Variants in LAMC1 observed in about 807,000 individuals in gnomAD.
LAMC1 encodes the protein laminin subunit gamma-1.
LAMC1 carries 38 observed loss-of-function variants against 173.6 expected under a neutral mutation model. That is an observed-to-expected ratio of 0.22 (90% CI 0.17 to 0.29). LAMC1 has a LOEUF of 0.29. Ranked by LOEUF, LAMC1 falls within the 10% of genes least tolerant of loss-of-function variation. The probability of loss-of-function intolerance (pLI) is 1.00; values close to 1 mark genes in which losing one functional copy is unlikely to be tolerated. For missense variants in LAMC1, 1,824 were observed against 2,051.8 expected, an observed-to-expected ratio of 0.89 and a Z score of 2.14; for synonymous variants, 746 against 749.1, an observed-to-expected ratio of 1.00 and a Z score of 0.07.
At position 183,023,715 on chromosome 1, in the gene LAMC1, G is replaced by T; in HGVS notation, c.-2G>T. On this transcript the variant is annotated 5_prime_UTR_variant, in exon 1 of 28. Coordinates refer to ENST00000258341, the MANE Select transcript of LAMC1 (RefSeq NM_002293.4). Reference sequence around the variant, plus strand: ...GCCGTGACCCAGCGTGCGGGCGGCGGGATGAGAGGGAGCCATCGGGCCGCG... The same window carrying T: ...GCCGTGACCCAGCGTGCGGGCGGCGTGATGAGAGGGAGCCATCGGGCCGCG... 6 of 1,180,504 alleles carry T rather than the reference G, an allele frequency of 5.1e-6. No homozygotes were observed. Among genetic ancestry groups the T allele is most frequent in the Non-Finnish European group, 5.3e-6 (5 of 949,222 alleles). 73.1% of individuals were successfully genotyped at this position (1,180,504 alleles called of 1,614,324 possible). A position where few individuals can be genotyped will look rare whatever the true frequency, so the allele number is the denominator to read the frequency against.
intron 2 of LAMC1, among the ~76,000 whole-genome samples, chr1:183,105,301 A>T (rs1396719284): frequency 1.3e-5 from 2 of 151,772 alleles, no homozygotes; most frequent in Admixed American, 6.6e-5. Flanking sequence ...TGGAGAGGTG[A>T]CCTACAAATA....
At chr1:183,043,340 A>G (rs1191950481) in intron 1 of LAMC1, among the ~76,000 whole-genome samples, 1 of 152,226 alleles carries the variant, frequency 6.6e-6, no homozygotes, top group African/African-American at 2.4e-5. Flanking sequence ...GTTGTCACAC[A>G]TTATGAAAAT....
chr1:183,033,436 G>A (rs1185959806), intron 1 of LAMC1, among the ~76,000 whole-genome samples: 3 of 152,208 alleles, frequency 2.0e-5, no homozygotes, highest in African/African-American at 7.2e-5. Context: ...AAAATGGTAA[G>A]TCTGTGGGTT....
At chr1:183,068,188 T>C (rs921376963) in intron 1 of LAMC1, among the ~76,000 whole-genome samples, 2 of 152,226 alleles carry the variant, frequency 1.3e-5, no homozygotes, top group Admixed American at 6.5e-5. Context: ...TACAATCTTA[T>C]TGCCTGAGAT....
intron 1 of LAMC1, among the ~76,000 whole-genome samples, chr1:183,082,151 G>A (rs556503405): frequency 6.6e-6 from 1 of 152,260 alleles, no homozygotes; most frequent in Non-Finnish European, 1.5e-5. Flanking sequence ...GGACATACTG[G>A]TTGCTTCCAA....
chr1:183,122,247 C>A lies in LAMC1; in HGVS notation c.2397C>A (p.Thr799=). 6.2e-7 allele frequency: 1 copy of A among 1,613,952 alleles called. No homozygotes were observed. The highest frequency in any genetic ancestry group is 1.1e-5 in the South Asian group (1 of 91,052). The stretch of plus-strand genomic sequence containing the variant: ...TGTGCACCAACTGTCCTACTGGCAC[C>A]ACTGGTAAGTCTGCTCGCTTCATCT... ...EVVCTNCPTG[T]TGKRCELCDD... is the part of the protein sequence containing the mutation. The change falls in exon 13 of 28, where the codon ACC becomes ACA. Residue 799 remains threonine, a synonymous_variant. Coordinates refer to ENST00000258341, the MANE Select transcript of LAMC1 (RefSeq NM_002293.4).
intron 1 of LAMC1, among the ~76,000 whole-genome samples, chr1:183,043,032 C>G (rs1279268923): frequency 6.6e-6 from 1 of 152,184 alleles, no homozygotes; most frequent in African/African-American, 2.4e-5. Flanking sequence ...TAAATCAGTG[C>G]TTTTTGTGGC....
intron 1 of LAMC1, among the ~76,000 whole-genome samples, chr1:183,067,867 C>G (rs752304261): frequency 1.2e-4 from 18 of 152,142 alleles, no homozygotes; most frequent in Non-Finnish European, 2.5e-4. Context: ...TTGGGAGTAT[C>G]ATGATAGCAG....
Position 183,142,806 on chromosome 1 carries a change from A to G in LAMC1, c.*16A>G. The G allele has an allele frequency of 6.3e-7, 1 of 1,591,124 alleles. No individual in the cohort carries two copies. The highest frequency in any genetic ancestry group is 1.2e-5 in the South Asian group (1 of 86,256). ...AAAGCCCTAGTGTCTTTAGGGCTGG[A>G]AGGCAGCATCCCTCTGACAGGGGGG... is the stretch of plus-strand genomic sequence containing the variant. On this transcript the variant is annotated 3_prime_UTR_variant, in exon 28 of 28. Coordinates refer to ENST00000258341, the MANE Select transcript of LAMC1 (RefSeq NM_002293.4).
At chr1:183,028,039 G>T (rs982320360) in intron 1 of LAMC1, among the ~76,000 whole-genome samples, 3 of 152,122 alleles carry the variant, frequency 2.0e-5, no homozygotes, top group Admixed American at 2.0e-4. Context: ...GTTGCTGTTG[G>T]CTGCTTTCCT....
At position 183,121,972 on chromosome 1, in the gene LAMC1, C is replaced by A. The variant is rs760327677; in HGVS notation, c.2212+28C>A. On this transcript the variant is annotated intron_variant, in intron 12 of 27. Transcript: ENST00000258341. ...GAGATGATCTTTGGCAGCTCTTAGA[C>A]CTAACTTCTCTTTAGCAATTGTGTA... 16 of 1,610,286 alleles carry A rather than the reference C, an allele frequency of 9.9e-6. No homozygotes were observed. In the East Asian group the frequency reaches 3.6e-4, roughly 36 times the overall value.
chr1:183,060,512 C>T (rs1372172877), intron 1 of LAMC1, among the ~76,000 whole-genome samples: 1 of 152,192 alleles, frequency 6.6e-6, no homozygotes, highest in African/African-American at 2.4e-5. Context: ...AGGCTCTCCT[C>T]ATGTCTTACT....
chr1:183,126,695 C>A (rs1020421183), intron 16 of LAMC1, among the ~76,000 whole-genome samples: 56 of 152,216 alleles, frequency 3.7e-4, no homozygotes, highest in African/African-American at 1.4e-3. Context: ...TACGTGTAAA[C>A]ATCTGCTTCT....
intron 1 of LAMC1, among the ~76,000 whole-genome samples, chr1:183,051,765 G>T (rs566032427): frequency 1.3e-5 from 2 of 152,286 alleles, no homozygotes; most frequent in African/African-American, 4.8e-5. Context: ...AGAGGAGCCA[G>T]AAATATCCCG....
intron 1 of LAMC1, among the ~76,000 whole-genome samples, chr1:183,073,481 T>C (rs1303161170): frequency 6.6e-6 from 1 of 152,222 alleles, no homozygotes; most frequent in African/African-American, 2.4e-5. Flanking sequence ...GAGCTTGTTC[T>C]CTAAAAAGCT....
chr1:183,106,536 C>CA (rs1433131085), intron 2 of LAMC1, among the ~76,000 whole-genome samples: 1 of 152,168 alleles, frequency 6.6e-6, no homozygotes, highest in Non-Finnish European at 1.5e-5. Context: ...CTCCCAGACT[C>CA]ACCTGGAGCC....
intron 1 of LAMC1, among the ~76,000 whole-genome samples, chr1:183,063,595 TCTC>T (rs372770525): frequency 2.3e-4 from 35 of 152,332 alleles, no homozygotes; most frequent in Non-Finnish European, 3.5e-4. Flanking sequence ...GCCATGCTAT[TCTC>T]CTGCTCTCTC....
At chr1:183,140,321 G>A in intron 26 of LAMC1, 83 bp from the exon 27 acceptor site, 1 of 536,146 alleles carries the variant, frequency 1.9e-6, no homozygotes, top group Non-Finnish European at 2.9e-6. Flanking sequence ...CTGGAAATTA[G>A]ATTTGTTGGG....
intron 1 of LAMC1, among the ~76,000 whole-genome samples, chr1:183,084,752 C>T (rs1038178215): frequency 6.6e-6 from 1 of 152,146 alleles, no homozygotes; most frequent in Admixed American, 6.5e-5. Flanking sequence ...TTCCTTACGA[C>T]GCATCCTTTT....
Sources: allele counts gnomAD v4.1 joint callset (sites outside exome capture counted in the v4.1 genomes callset), GRCh38; gene constraint gnomAD v4.1.1; transcripts MANE v1.5; gene names NCBI Gene and HGNC (gene_info 2026-07-23, HGNC 2026-07-21).